The following EBF1 variants were observed in gnomAD, a reference collection of about 807,000 sequenced individuals.
EBF1 encodes EBF transcription factor 1, also known as transcription factor COE1.
Under a neutral mutation model 68.4 loss-of-function variants are expected in EBF1, and 10 were observed. The ratio of observed to expected loss-of-function variants is 0.15; its 90% confidence interval spans 0.09 to 0.25. The LOEUF is 0.25. Ranked by LOEUF, EBF1 falls within the 10% of genes least tolerant of loss-of-function variation. The pLI is 1.00. For synonymous variants in EBF1, 298 were observed against 299.8 expected (o/e 0.99, Z 0.06); for missense variants, 509 against 794.4 (o/e 0.64, Z 4.32).
At chr5:158,744,107 G>A (rs907559920) in intron 10 of EBF1, among the ~76,000 whole-genome samples, 1 of 151,842 alleles carries the variant, frequency 6.6e-6, no homozygotes, top group South Asian at 2.1e-4. Flanking sequence ...GGAGGTGGAG[G>A]TTGCAGTGAG....
intron 10 of EBF1, among the ~76,000 whole-genome samples, chr5:158,750,874 C>G (rs1768701652): frequency 6.6e-6 from 1 of 151,656 alleles, no homozygotes; most frequent in Admixed American, 6.6e-5. Flanking sequence ...GAGAAAAGAG[C>G]AAAGATTGTA....
At chr5:159,067,527 C>T (rs575456730) in intron 6 of EBF1, among the ~76,000 whole-genome samples, 36 of 152,250 alleles carry the variant, frequency 2.4e-4, no homozygotes, top group Admixed American at 1.2e-3. Context: ...ACATTGTCAG[C>T]GTATTCGAAA....
At chr5:158,957,734 C>T (rs1817424475) in intron 6 of EBF1, among the ~76,000 whole-genome samples, 1 of 152,222 alleles carries the variant, frequency 6.6e-6, no homozygotes, top group African/African-American at 2.4e-5. Context: ...GCCATGGACG[C>T]TTCCTCTGCC....
chr5:158,810,949 C>T (rs1379799058), intron 8 of EBF1, among the ~76,000 whole-genome samples: 6 of 152,134 alleles, frequency 3.9e-5, no homozygotes, highest in Admixed American at 6.5e-5. Context: ...CACGGCAGGC[C>T]GGCAGAAAAG....
rs558698309 is a variant in EBF1, at chr5:158,740,259, A to G, written c.1037-9102T>C. On this transcript the variant is annotated intron_variant, in intron 10 of 15. Transcript: ENST00000313708. ...GGGGACAGCACCGAGTCAGGCTCCA[A>G]GGCGAAGAAATCCTTCCCTGAGCCT... 5.3e-5 allele frequency among the ~76,000 whole-genome samples: 8 copies of G among 152,186 alleles called. No individual in the cohort carries two copies. The South Asian group carries it at 1.7e-3, about 31-fold the overall frequency.
chr5:158,888,915 A>G (rs1366922378), intron 6 of EBF1, among the ~76,000 whole-genome samples: 2 of 152,010 alleles, frequency 1.3e-5, no homozygotes, highest in Non-Finnish European at 2.9e-5. Context: ...TCCTCTCCCA[A>G]TCAACACAAG....
chr5:159,054,227 T>G (rs1300351788), intron 6 of EBF1, among the ~76,000 whole-genome samples: 1 of 152,204 alleles, frequency 6.6e-6, no homozygotes, highest in Admixed American at 6.5e-5. Context: ...GTAAAAGGTT[T>G]ATTGGACCTA....
intron 6 of EBF1, among the ~76,000 whole-genome samples, chr5:159,011,087 C>T (rs1315414957): frequency 3.3e-5 from 5 of 152,204 alleles, no homozygotes; most frequent in Admixed American, 3.3e-4. Flanking sequence ...TGAATTGCAT[C>T]AGGGTCACCG....
intron 6 of EBF1, among the ~76,000 whole-genome samples, chr5:158,912,884 A>G (rs1247108482): frequency 6.6e-6 from 1 of 152,244 alleles, no homozygotes; most frequent in Non-Finnish European, 1.5e-5. Context: ...TGCAGGTAGT[A>G]TAGATGCTGA....
At chr5:159,015,692 T>A (rs914761465) in intron 6 of EBF1, among the ~76,000 whole-genome samples, 1 of 152,182 alleles carries the variant, frequency 6.6e-6, no homozygotes, top group Non-Finnish European at 1.5e-5. Context: ...AAAGCCCACA[T>A]GAAGAACACA....
At chr5:158,919,565 T>G (rs1807947856) in intron 6 of EBF1, among the ~76,000 whole-genome samples, 1 of 152,172 alleles carries the variant, frequency 6.6e-6, no homozygotes, top group Non-Finnish European at 1.5e-5. Context: ...AAAGACATAT[T>G]CCAACAACGG....
At chr5:158,700,904 T>G (rs1756611307) in intron 15 of EBF1, among the ~76,000 whole-genome samples, 1 of 152,142 alleles carries the variant, frequency 6.6e-6, no homozygotes, top group Non-Finnish European at 1.5e-5. Flanking sequence ...CCCAAAGACT[T>G]GAGATCAGTT....
chr5:159,001,548 C>G (rs1310336435), intron 6 of EBF1, among the ~76,000 whole-genome samples: 3 of 152,118 alleles, frequency 2.0e-5, no homozygotes, highest in African/African-American at 7.2e-5. Context: ...AAACGATATT[C>G]CCCCACCTCA....
chr5:158,801,877 T>C (rs904797471), intron 8 of EBF1, among the ~76,000 whole-genome samples: 1 of 152,118 alleles, frequency 6.6e-6, no homozygotes, highest in Non-Finnish European at 1.5e-5. Flanking sequence ...ACAGAATAAG[T>C]GTTACATGAT....
chr5:158,749,960 C>A (rs1312221594), intron 10 of EBF1, among the ~76,000 whole-genome samples: 1 of 152,054 alleles, frequency 6.6e-6, no homozygotes, highest in African/African-American at 2.4e-5. Flanking sequence ...CTACAGAGAG[C>A]CTCTTTTGTA....
chr5:159,023,390 T>C (rs776507659), intron 6 of EBF1, among the ~76,000 whole-genome samples: 1 of 152,128 alleles, frequency 6.6e-6, no homozygotes, highest in Non-Finnish European at 1.5e-5. Context: ...TTTTGACTGG[T>C]GAGGAAAATA....
intron 6 of EBF1, among the ~76,000 whole-genome samples, chr5:158,999,769 C>T (rs776585455): frequency 4.6e-5 from 7 of 152,142 alleles, no homozygotes; most frequent in Non-Finnish European, 1.0e-4. Context: ...GACATTTTAA[C>T]GAAGCCTCTA....
intron 6 of EBF1, among the ~76,000 whole-genome samples, chr5:158,902,719 G>T (rs1803694692): frequency 6.6e-6 from 1 of 151,882 alleles, no homozygotes; most frequent in Non-Finnish European, 1.5e-5. Context: ...GCCTCTCAAA[G>T]TGCTGAGATT....
At chr5:158,880,595 G>T (rs1188437087) in intron 6 of EBF1, among the ~76,000 whole-genome samples, 1 of 152,096 alleles carries the variant, frequency 6.6e-6, no homozygotes, top group East Asian at 1.9e-4. Context: ...ACATGATGCA[G>T]ATCAAAATGC....
Sources: allele counts gnomAD v4.1 joint callset (sites outside exome capture counted in the v4.1 genomes callset), GRCh38; gene constraint gnomAD v4.1.1; transcripts MANE v1.5; gene names NCBI Gene and HGNC (gene_info 2026-07-23, HGNC 2026-07-21).